TRAK1: variants seen among roughly 807,000 people sequenced by gnomAD.
The protein encoded by TRAK1 is trafficking kinesin-binding protein 1.
A neutral mutation model predicts 92.1 loss-of-function variants in TRAK1; 33 were observed. That is an observed-to-expected ratio of 0.36 (90% confidence interval 0.27 to 0.48). TRAK1 has a LOEUF of 0.48. TRAK1 is among the 20% of genes least tolerant of loss of function. TRAK1 has a pLI of 0.99. For synonymous variants in TRAK1, 521 were observed against 517.3 expected, an observed-to-expected ratio of 1.01 and a Z score of -0.10; for missense variants, 1,123 against 1,257.9, an observed-to-expected ratio of 0.89 and a Z score of 1.62.
intron 10 of TRAK1, among the ~76,000 whole-genome samples, chr3:42,198,780 C>G (rs1049414876): frequency 1.3e-5 from 2 of 152,094 alleles, no homozygotes; most frequent in African/African-American, 4.8e-5. Flanking sequence ...CCATATCTCA[C>G]TGTAAGCTCA....
intron 2 of TRAK1, among the ~76,000 whole-genome samples, chr3:42,161,650 T>A (rs1035960864): frequency 6.6e-6 from 1 of 152,220 alleles, no homozygotes; most frequent in African/African-American, 2.4e-5. Context: ...CTGAAAGTAT[T>A]TTTCTTTTGA....
intron 2 of TRAK1, among the ~76,000 whole-genome samples, chr3:42,155,229 G>A (rs1364716024): frequency 1.3e-5 from 2 of 152,002 alleles, no homozygotes; most frequent in Non-Finnish European, 2.9e-5. Context: ...GTTATGGGAA[G>A]GCAACTTGGA....
At chr3:42,126,612 C>T (rs763232776) in intron 2 of TRAK1, among the ~76,000 whole-genome samples, 31 of 152,148 alleles carry the variant, frequency 2.0e-4, no homozygotes, top group Non-Finnish European at 3.8e-4. Context: ...TGGCAGCCAA[C>T]AATTTACATA....
intron 11 of TRAK1, among the ~76,000 whole-genome samples, chr3:42,200,353 C>T (rs1258086205): frequency 2.0e-5 from 3 of 152,216 alleles, no homozygotes; most frequent in Non-Finnish European, 4.4e-5. Flanking sequence ...GAAAGACTAA[C>T]TTGAAGTCTT....
intron 2 of TRAK1, among the ~76,000 whole-genome samples, chr3:42,155,921 G>A (rs1559845153): frequency 6.6e-6 from 1 of 152,190 alleles, no homozygotes; most frequent in African/African-American, 2.4e-5. Flanking sequence ...AGGAGACAGA[G>A]AATGATGTGC....
intron 1 of TRAK1, among the ~76,000 whole-genome samples, chr3:42,118,773 A>T (rs966722117): frequency 4.6e-5 from 7 of 152,242 alleles, no homozygotes; most frequent in Admixed American, 2.0e-4. Context: ...ACCTCTGAAG[A>T]GGTAAAGAGT....
rs763658009 is a variant in TRAK1 at position 42,125,621 on chromosome 3, A to G, written c.286+7A>G. 8 of 1,613,998 alleles carry G rather than the reference A, an allele frequency of 5.0e-6. No individual in the cohort carries two copies. The South Asian group carries it at 5.5e-5, about 11-fold the overall frequency. On this transcript the variant is annotated splice_region_variant and intron_variant, in intron 2 of 15. Coordinates refer to ENST00000327628, the MANE Select transcript of TRAK1 (RefSeq NM_001042646.3). ...GAGACGTTAAAATACTTCCGTAAGT[A>G]GTTGTCCATGTGTGTTGTGATGGCA...
chr3:42,035,337 C>G (rs1576140317), intron 1 of TRAK1, among the ~76,000 whole-genome samples: 2 of 152,278 alleles, frequency 1.3e-5, no homozygotes. Context: ...CAGGCCAGTG[C>G]CTTGGTTGCC....
chr3:42,054,370 G>A (rs144307102), intron 1 of TRAK1, among the ~76,000 whole-genome samples: 2,259 of 152,314 alleles, frequency 0.015, 26 homozygotes, highest in Non-Finnish European at 0.021. Flanking sequence ...GCAAGGAGAG[G>A]CAGGTACAGG....
intron 2 of TRAK1, among the ~76,000 whole-genome samples, chr3:42,144,248 T>C (rs1291813918): frequency 7.0e-6 from 1 of 141,962 alleles, no homozygotes; most frequent in East Asian, 2.1e-4. Flanking sequence ...TAATTGTTCA[T>C]TTCCTGGCTT....
chr3:42,156,241 C>T (rs548789275), intron 2 of TRAK1, among the ~76,000 whole-genome samples: 1 of 152,276 alleles, frequency 6.6e-6, no homozygotes, highest in East Asian at 1.9e-4. Flanking sequence ...GGGAAGATGC[C>T]CTTTGGCCCA....
At chr3:42,160,197 A>ACACC (rs1479352805) in intron 2 of TRAK1, 1 of 1,321,598 alleles carries the variant, frequency 7.6e-7, no homozygotes, top group Non-Finnish European at 9.8e-7. Flanking sequence ...AGCTTTGTGT[A>ACACC]CACCCCTCCA....
intron 2 of TRAK1, among the ~76,000 whole-genome samples, chr3:42,167,975 C>G (rs1478385981): frequency 2.6e-5 from 4 of 152,188 alleles, no homozygotes; most frequent in Non-Finnish European, 4.4e-5. Flanking sequence ...GTCTAAATTA[C>G]TGAGGGTCAA....
rs115993311 is a variant in TRAK1, at chr3:42,062,010, G to A, written c.-518-25094G>A. On this transcript the variant is annotated intron_variant, in intron 1 of 16. Transcript: ENST00000487159. ...CTCGGGTGGAGGCTCTGGGACAGCT[G>A]CTTCTGGCTAAGGCTGCCCATTTGG... Among the ~76,000 whole-genome samples the A allele has an allele frequency of 4.9e-3, 750 of 152,334 alleles. 7 individuals carry two copies. Among genetic ancestry groups the A allele is most frequent in the African/African-American group, 0.017 (693 of 41,576 alleles).
At chr3:42,070,001 G>A (rs934504447) in intron 1 of TRAK1, among the ~76,000 whole-genome samples, 3 of 151,614 alleles carry the variant, frequency 2.0e-5, no homozygotes, top group East Asian at 1.9e-4. Context: ...ACAGGTGCCC[G>A]CCACCACACC....
rs566223784 is a variant in TRAK1 at position 42,126,922 on chromosome 3, TGCA to T, written c.286+1310_286+1312del. Among the ~76,000 whole-genome samples the T allele has an allele frequency of 8.5e-5, 13 of 152,350 alleles. 1 individual carries two copies. In the South Asian group the frequency reaches 2.7e-3, roughly 32 times the overall value. On this transcript the variant is annotated intron_variant, in intron 2 of 15. Coordinates refer to ENST00000327628, the MANE Select transcript of TRAK1 (RefSeq NM_001042646.3). ...AACCCTACAGAGTCTTTGTGAATAC[TGCA>T]GATAATCAGTTTCAATATGGATAAT...
At chr3:42,143,586 G>C (rs1470258063) in intron 2 of TRAK1, among the ~76,000 whole-genome samples, 1 of 152,142 alleles carries the variant, frequency 6.6e-6, no homozygotes, top group Non-Finnish European at 1.5e-5. Flanking sequence ...TTTCTAAATG[G>C]GGCAGCCGAA....
intron 2 of TRAK1, among the ~76,000 whole-genome samples, chr3:42,167,703 A>C (rs1036993200): frequency 6.6e-6 from 1 of 152,110 alleles, no homozygotes; most frequent in African/African-American, 2.4e-5. Flanking sequence ...ACATGATGAA[A>C]CCCTGTCTCT....
At chr3:42,108,652 G>A (rs1410987007) in intron 1 of TRAK1, among the ~76,000 whole-genome samples, 1 of 151,812 alleles carries the variant, frequency 6.6e-6, no homozygotes, top group East Asian at 1.9e-4. Context: ...ACACTACCTG[G>A]CACCCTCCAT....
Sources: gnomAD v4.1 joint callset for allele counts (sites outside exome capture counted in the v4.1 genomes callset) on GRCh38, gnomAD v4.1.1 for gene constraint, MANE v1.5 for transcripts, NCBI Gene and HGNC (gene_info 2026-07-23, HGNC 2026-07-21) for gene names.